Variants in LOC400499 observed in about 807,000 individuals in gnomAD.
At chr16:11,407,154 GC>G in the LOC400499 span, 1 of 398,766 alleles carries the variant, frequency 2.5e-6, no homozygotes, top group Non-Finnish European at 4.4e-6. Context: ...TGTCCCAGAG[GC>G]CCCCCACCCC....
chr16:11,375,558 C>A, the LOC400499 span, among the ~76,000 whole-genome samples: 3 of 150,262 alleles, frequency 2.0e-5, no homozygotes, highest in South Asian at 4.2e-4. Flanking sequence ...AGTGATCCGC[C>A]CACCTTGGCT....
chr16:11,483,990 G>A, the LOC400499 span, among the ~76,000 whole-genome samples: 1 of 141,454 alleles, frequency 7.1e-6, no homozygotes, highest in African/African-American at 2.6e-5. Flanking sequence ...GCAGGAGGAA[G>A]GGACTTTTTT....
At chr16:11,391,231 G>A in the LOC400499 span, among the ~76,000 whole-genome samples, 189 of 152,310 alleles carry the variant, frequency 1.2e-3, 1 homozygote, top group Admixed American at 7.3e-3. Context: ...CCTGGATGGC[G>A]GAGAGGCCAG....
chr16:11,387,434 G>A, the LOC400499 span: 9 of 621,296 alleles, frequency 1.4e-5, no homozygotes, highest in South Asian at 5.2e-4. Flanking sequence ...GGCTGTCCTT[G>A]TTTTGGGAAA....
chr16:11,376,028 C>T, the LOC400499 span, among the ~76,000 whole-genome samples: 6 of 152,136 alleles, frequency 3.9e-5, no homozygotes, highest in Non-Finnish European at 7.4e-5. Context: ...TGTGAGCCAC[C>T]GCGCCGGGCC....
At chr16:11,462,419 C>T in the LOC400499 span, 2,597 of 1,301,640 alleles carry the variant, frequency 2.0e-3, 11 homozygotes, top group Non-Finnish European at 2.0e-3. Context: ...CCTTCTACAC[C>T]GATCCTTACC....
chr16:11,459,920 G>T, the LOC400499 span: 1 of 1,472,270 alleles, frequency 6.8e-7, no homozygotes, highest in Admixed American at 2.1e-5. Context: ...TGCTCAGGGC[G>T]GGCCCCGAGT....
chr16:11,422,273 G>T, the LOC400499 span, among the ~76,000 whole-genome samples: 2 of 152,094 alleles, frequency 1.3e-5, no homozygotes, highest in African/African-American at 4.8e-5. Flanking sequence ...GTGGTGGTGG[G>T]CACCTGTAAT....
the LOC400499 span, among the ~76,000 whole-genome samples, chr16:11,477,221 G>A: frequency 2.0e-5 from 3 of 152,226 alleles, no homozygotes; most frequent in Admixed American, 6.5e-5. Flanking sequence ...TGTGAATCCC[G>A]GGTGTCTAAG....
the LOC400499 span, among the ~76,000 whole-genome samples, chr16:11,492,505 C>T: frequency 2.1e-3 from 321 of 152,046 alleles, 3 homozygotes; most frequent in African/African-American, 7.3e-3. Context: ...AGGTGGTGGC[C>T]GGGCGCGGTG....
At chr16:11,424,593 A>G in the LOC400499 span, among the ~76,000 whole-genome samples, 1 of 152,226 alleles carries the variant, frequency 6.6e-6, no homozygotes, top group Non-Finnish European at 1.5e-5. Flanking sequence ...CAATTGCCAC[A>G]TGCAGCCGGT....
the LOC400499 span, chr16:11,500,663 C>T: frequency 5.0e-6 from 2 of 396,420 alleles, no homozygotes; most frequent in Non-Finnish European, 4.4e-6. Context: ...CACAGAAGCC[C>T]AGGAGGATGG....
the LOC400499 span, chr16:11,494,886 C>T: frequency 1.5e-4 from 58 of 397,544 alleles, no homozygotes; most frequent in African/African-American, 1.1e-3. Flanking sequence ...AGAGTCTGAA[C>T]AAATTGCTCT....
At chr16:11,506,645 G>C in the LOC400499 span, among the ~76,000 whole-genome samples, 1 of 152,044 alleles carries the variant, frequency 6.6e-6, no homozygotes, top group African/African-American at 2.4e-5. Flanking sequence ...CCTTAGGGAC[G>C]CCCTTGGCCA....
At chr16:11,456,762 G>C in the LOC400499 span, 19 of 1,407,420 alleles carry the variant, frequency 1.3e-5, no homozygotes, top group African/African-American at 1.7e-4. Context: ...GCCAACAAAA[G>C]GAAAAGGTGT....
the LOC400499 span, chr16:11,392,753 G>C: frequency 6.1e-6 from 6 of 983,282 alleles, no homozygotes; most frequent in African/African-American, 8.7e-5. Context: ...TTTTTTTTGA[G>C]ACACCAAGGC....
the LOC400499 span, among the ~76,000 whole-genome samples, chr16:11,425,943 T>C: frequency 1.3e-5 from 2 of 152,084 alleles, no homozygotes; most frequent in Non-Finnish European, 2.9e-5. Context: ...ACACCAACTT[T>C]CTTAACAAAG....
the LOC400499 span, among the ~76,000 whole-genome samples, chr16:11,483,595 G>C: frequency 6.6e-6 from 1 of 152,002 alleles, no homozygotes; most frequent in African/African-American, 2.4e-5. Context: ...GGCAAGCGCA[G>C]TGGCTCACAC....
At chr16:11,496,617 G>C in the LOC400499 span, among the ~76,000 whole-genome samples, 14 of 152,312 alleles carry the variant, frequency 9.2e-5, no homozygotes, top group African/African-American at 3.1e-4. Flanking sequence ...GTCCCCATGT[G>C]GGCATCTCGT....
Sources: allele counts gnomAD v4.1 joint callset (sites outside exome capture counted in the v4.1 genomes callset), GRCh38; gene constraint gnomAD v4.1.1; transcripts MANE v1.5.